SORT1: variants seen among roughly 807,000 people sequenced by gnomAD.
SORT1 encodes the protein sortilin 1.
SORT1 carries 39 observed loss-of-function variants against 101.7 expected under a neutral mutation model. The observed-to-expected ratio is 0.38, with a 90% CI of 0.30 to 0.50. The LOEUF is 0.50. Ranked by LOEUF, SORT1 falls within the 20% of genes least tolerant of loss-of-function variation. SORT1 has a pLI of 0.90. For synonymous variants in SORT1, 396 were observed against 393.7 expected (o/e 1.01, Z -0.07); for missense variants, 878 against 1,040.4 (o/e 0.84, Z 2.15).
intron 1 of SORT1, chr1:109,393,468 G>T (rs1051644125): frequency 4.5e-6 from 1 of 220,280 alleles, no homozygotes. Flanking sequence ...GTTCCTTTAA[G>T]ACAGTTTCAT....
intron 5 of SORT1, among the ~76,000 whole-genome samples, chr1:109,353,578 C>T (rs1289656828): frequency 6.6e-6 from 1 of 152,082 alleles, no homozygotes; most frequent in Non-Finnish European, 1.5e-5. Context: ...TCAGGCTCAG[C>T]TGGGGAGCCT....
chr1:109,395,281 T>A (rs12740966), intron 1 of SORT1, among the ~76,000 whole-genome samples: 4 of 128,084 alleles, frequency 3.1e-5, no homozygotes, highest in Non-Finnish European at 6.2e-5. Flanking sequence ...AGTACAACGG[T>A]GCGATCTCGG....
At chr1:109,362,051 CAAG>C (rs752312669) in intron 3 of SORT1, among the ~76,000 whole-genome samples, 179 of 152,162 alleles carry the variant, frequency 1.2e-3, no homozygotes, top group Non-Finnish European at 1.6e-3. Context: ...TTCCTAAACA[CAAG>C]AAGACTTTGA....
In SORT1 at chr1:109,327,450, G is replaced by A. The variant is rs777756339; in HGVS notation, c.1474+49C>T. ...CAAAGCCTGTTGGCTGAGTTTCAGT[G>A]TGCTCAGCCACTGTTCCAGTTGGAG... is the stretch of plus-strand genomic sequence containing the variant. On this transcript the variant is annotated intron_variant, in intron 12 of 19. Coordinates refer to ENST00000256637, the MANE Select transcript of SORT1 (RefSeq NM_002959.7). 10 of 1,160,754 alleles carry A rather than the reference G, an allele frequency of 8.6e-6. No individual in the cohort carries two copies. The African/African-American group carries it at 1.4e-4, about 16-fold the overall frequency. 71.9% of individuals were successfully genotyped at this position (1,160,754 alleles called of 1,614,324 possible). A position where few individuals can be genotyped will look rare whatever the true frequency, so the allele number is the denominator to read the frequency against.
At chr1:109,374,966 A>G (rs1294755330) in intron 1 of SORT1, among the ~76,000 whole-genome samples, 1 of 152,212 alleles carries the variant, frequency 6.6e-6, no homozygotes, top group Non-Finnish European at 1.5e-5. Flanking sequence ...TCAAAAACAA[A>G]CAAACAAAAA....
intron 1 of SORT1, among the ~76,000 whole-genome samples, chr1:109,390,739 T>G (rs546137673): frequency 6.6e-6 from 1 of 151,312 alleles, no homozygotes; most frequent in East Asian, 1.9e-4. Context: ...CTGGCTTCAG[T>G]ACAATATTAG....
At chr1:109,387,222 C>G (rs899052004) in intron 1 of SORT1, among the ~76,000 whole-genome samples, 2 of 151,650 alleles carry the variant, frequency 1.3e-5, no homozygotes, top group Non-Finnish European at 2.9e-5. Flanking sequence ...ACCCAGGAGG[C>G]AGAGGTTGCA....
rs56356949 is a variant in SORT1, at chr1:109,314,220, T to TGG, written c.2481+39_2481+40dup. On this transcript the variant is annotated intron_variant, in intron 19 of 19. Coordinates refer to ENST00000256637, the MANE Select transcript of SORT1 (RefSeq NM_002959.7). ...ACAGACTTTATTTTCTTGTATTTTT[T>TGG]GGGGGGGGGGGTACTACCATTCAAG... 1.3e-3 allele frequency: 1,710 copies of TGG among 1,313,928 alleles called. 2 individuals are homozygous for TGG. The highest frequency in any genetic ancestry group is 2.8e-3 in the African/African-American group (184 of 64,654). 81.4% of individuals were successfully genotyped at this position (1,313,928 alleles called of 1,614,324 possible). A position where few individuals can be genotyped will look rare whatever the true frequency, so the allele number is the denominator to read the frequency against.
Position 109,350,990 on chromosome 1 carries a change from C to A in SORT1, c.721G>T (p.Val241Leu), listed in dbSNP as rs147367732. The change falls in exon 6 of 20, where the codon GTG becomes TTG. Residue 241 changes from valine (V) to leucine (L), a missense_variant. Coordinates refer to ENST00000256637, the MANE Select transcript of SORT1 (RefSeq NM_002959.7). ...CATTTTCCCCCAAAATTCTTGGACA[C>A]CCACAGGCCATTCTGAAAGATTATA... ...LALSTENGLWVSKNFGGKWEE... is the reference protein window; with the variant it reads ...LALSTENGLWLSKNFGGKWEE... The A allele has an allele frequency of 1.4e-5, 23 of 1,608,910 alleles. No homozygotes were observed. The highest frequency in any genetic ancestry group is 1.5e-5 in the Non-Finnish European group (18 of 1,175,288).
At chr1:109,353,350 AAC>A (rs1402896502) in intron 5 of SORT1, among the ~76,000 whole-genome samples, 1 of 151,230 alleles carries the variant, frequency 6.6e-6, no homozygotes, top group African/African-American at 2.4e-5. Context: ...AAAAAAAAAA[AAC>A]AAAAGCAAAA....
Position 109,354,538 on chromosome 1 carries a change from G to A in SORT1, c.544-7C>T. On this transcript the variant is annotated splice_polypyrimidine_tract_variant and splice_region_variant and intron_variant, in intron 4 of 19. Transcript: ENST00000256637. ...CCTCTGCTGTTAACACCACCTGATA[G>A]GAAGAGGAAAGATCTGATTCAGGGT... 6.2e-7 allele frequency: 1 copy of A among 1,608,564 alleles called. No homozygotes were observed. Among genetic ancestry groups the A allele is most frequent in the Non-Finnish European group, 8.5e-7 (1 of 1,176,010 alleles).
chr1:109,338,179 A>G (rs1648963987), intron 10 of SORT1, among the ~76,000 whole-genome samples: 1 of 152,196 alleles, frequency 6.6e-6, no homozygotes, highest in South Asian at 2.1e-4. Flanking sequence ...AAAGTAATAC[A>G]TGAGTACAGA....
intron 3 of SORT1, chr1:109,367,145 T>C (rs1453290797): frequency 3.4e-6 from 1 of 290,982 alleles, no homozygotes; most frequent in African/African-American, 2.2e-5. Flanking sequence ...GAGGATGGCT[T>C]GAGCCTGGGA....
intron 15 of SORT1, among the ~76,000 whole-genome samples, chr1:109,319,001 C>A (rs1345271862): frequency 6.6e-6 from 1 of 152,176 alleles, no homozygotes; most frequent in African/African-American, 2.4e-5. Flanking sequence ...TGATCTCAAA[C>A]TCCTGAGCTC....
intron 6 of SORT1, 110 bp from the exon 7 acceptor site, chr1:109,347,642 C>A: frequency 1.4e-6 from 1 of 720,302 alleles, no homozygotes. Flanking sequence ...TTCACAGGCA[C>A]TGACAAGCAC....
intron 14 of SORT1, among the ~76,000 whole-genome samples, chr1:109,324,194 T>C (rs554985554): frequency 3.1e-4 from 47 of 152,198 alleles, no homozygotes; most frequent in Non-Finnish European, 5.3e-4. Context: ...AATGGCATGA[T>C]CTTGGCTCAT....
At chr1:109,371,388 C>T (rs140768779) in intron 1 of SORT1, among the ~76,000 whole-genome samples, 6 of 152,302 alleles carry the variant, frequency 3.9e-5, no homozygotes, top group East Asian at 3.9e-4. Flanking sequence ...AAAACAGGAA[C>T]ATCCAGAGCT....
chr1:109,384,736 G>A (rs986271640), intron 1 of SORT1, among the ~76,000 whole-genome samples: 3 of 152,112 alleles, frequency 2.0e-5, no homozygotes, highest in Non-Finnish European at 4.4e-5. Context: ...CATCTGCAGA[G>A]GATCATCCCA....
chr1:109,357,936 T>C (rs542958985), intron 3 of SORT1, among the ~76,000 whole-genome samples: 3 of 152,318 alleles, frequency 2.0e-5, no homozygotes, highest in African/African-American at 7.2e-5. Context: ...CTACAGTGCA[T>C]GTATCATCAA....
Sources: gnomAD v4.1 joint callset for allele counts (sites outside exome capture counted in the v4.1 genomes callset) on GRCh38, gnomAD v4.1.1 for gene constraint, MANE v1.5 for transcripts, NCBI Gene and HGNC (gene_info 2026-07-23, HGNC 2026-07-21) for gene names.